The following RPS6KA6 variants were observed in gnomAD, a reference collection of about 807,000 sequenced individuals.
The protein encoded by RPS6KA6 is ribosomal protein S6 kinase A6.
A neutral mutation model predicts 65.4 loss-of-function variants in RPS6KA6; 27 were observed. The ratio of observed to expected loss-of-function variants is 0.41; its 90% CI spans 0.30 to 0.57. RPS6KA6 has a LOEUF of 0.57. Among genes scored for constraint, RPS6KA6 ranks in the 20% least tolerant of loss-of-function variants. The pLI, the probability that RPS6KA6 is intolerant of heterozygous loss-of-function variation, is 0.24. For synonymous variants in RPS6KA6, 190 were observed against 184.2 expected (o/e 1.03, Z -0.26); for missense variants, 486 against 555.6 (o/e 0.87, Z 1.26).
chrX:84,121,808 A>T (rs137868764), intron 8 of RPS6KA6, among the ~76,000 whole-genome samples: 1 of 112,375 alleles, frequency 8.9e-6, no homozygotes, highest in African/African-American at 3.2e-5. Flanking sequence ...CAAAAAAGAA[A>T]ATAGAAATTC....
intron 1 of RPS6KA6, among the ~76,000 whole-genome samples, chrX:84,171,712 G>A (rs1476993622): frequency 3.6e-5 from 4 of 111,091 alleles, no homozygotes; most frequent in Non-Finnish European, 5.7e-5. Context: ...TGTGATGAAC[G>A]TGCAGGTTTG....
At chrX:84,070,832 A>C in intron 20 of RPS6KA6, among the ~76,000 whole-genome samples, 1 of 111,701 alleles carries the variant, frequency 9.0e-6, no homozygotes, top group East Asian at 2.8e-4. Flanking sequence ...AAAATGAAAA[A>C]ATTTCAATAG....
intron 2 of RPS6KA6, among the ~76,000 whole-genome samples, chrX:84,159,275 T>C (rs966928906): frequency 1.8e-5 from 2 of 110,705 alleles, no homozygotes; most frequent in Non-Finnish European, 3.8e-5. Context: ...TTATTGATTT[T>C]TACTATTATA....
intron 20 of RPS6KA6, among the ~76,000 whole-genome samples, chrX:84,069,602 G>T (rs980255172): frequency 6.3e-5 from 7 of 111,788 alleles, no homozygotes; most frequent in East Asian, 2.8e-4. Context: ...CACAGCAAAA[G>T]AAACTATCAT....
At chrX:84,118,178 T>C (rs765013513) in intron 9 of RPS6KA6, among the ~76,000 whole-genome samples, 74 of 112,030 alleles carry the variant, frequency 6.6e-4, no homozygotes, top group Non-Finnish European at 1.1e-3. Flanking sequence ...ATAATGGCTT[T>C]GGCCTTAGTC....
intron 3 of RPS6KA6, among the ~76,000 whole-genome samples, chrX:84,153,133 A>C (rs1394231646): frequency 8.9e-6 from 1 of 111,934 alleles, no homozygotes; most frequent in African/African-American, 3.2e-5. Flanking sequence ...TTAAGATGTA[A>C]GCATATGTTT....
intron 6 of RPS6KA6, among the ~76,000 whole-genome samples, chrX:84,145,133 T>A (rs1942748866): frequency 9.0e-6 from 1 of 111,330 alleles, no homozygotes; most frequent in African/African-American, 3.3e-5. Flanking sequence ...TATACTTTAG[T>A]ATGTACAGTT....
chrX:84,062,473 G>A lies in RPS6KA6; in HGVS notation c.*1804C>T, dbSNP rs1458087407. ...TATGCTTACAAACTGTTACATGCAA[G>A]TACATATAGTAATAAAGCAAATGAG... On this transcript the variant is annotated 3_prime_UTR_variant, in exon 22 of 22. Coordinates refer to ENST00000262752, the MANE Select transcript of RPS6KA6 (RefSeq NM_014496.5). 1.8e-5 allele frequency: 2 copies of A among 110,563 alleles called. No individual in the cohort carries two copies. Among genetic ancestry groups the A allele is most frequent in the Non-Finnish European group, 3.8e-5 (2 of 52,799 alleles). 9.1% of individuals were successfully genotyped at this position (110,563 alleles called of 1,213,427 possible).
At chrX:84,134,172 T>C (rs768499055) in intron 8 of RPS6KA6, among the ~76,000 whole-genome samples, 1 of 112,093 alleles carries the variant, frequency 8.9e-6, no homozygotes, top group African/African-American at 3.2e-5. Flanking sequence ...AGGTCTTTCC[T>C]TTTTACTGCT....
intron 1 of RPS6KA6, among the ~76,000 whole-genome samples, chrX:84,177,835 C>T (rs1031214120): frequency 2.7e-5 from 3 of 112,060 alleles, no homozygotes; most frequent in African/African-American, 9.7e-5. Context: ...CGCTCTGTCA[C>T]CCAGGCTGGA....
chrX:84,072,535 T>C (rs2033566685), intron 20 of RPS6KA6, among the ~76,000 whole-genome samples: 1 of 111,601 alleles, frequency 9.0e-6, no homozygotes, highest in African/African-American at 3.3e-5. Flanking sequence ...TTCAGCATAG[T>C]TCTGGAAGTC....
intron 8 of RPS6KA6, among the ~76,000 whole-genome samples, chrX:84,127,940 G>C (rs2034826179): frequency 9.0e-6 from 1 of 111,318 alleles, no homozygotes; most frequent in Non-Finnish European, 1.9e-5. Context: ...TTTCACTACT[G>C]TTAATCAACA....
chrX:84,156,333 C>G (rs1177394891), intron 2 of RPS6KA6, 142 bp from the exon 3 acceptor site: 1 of 392,731 alleles, frequency 2.5e-6, no homozygotes, highest in African/African-American at 2.6e-5. Flanking sequence ...ATCCTTATTT[C>G]CCTGTTTTCT....
At chrX:84,082,550 C>A (rs10888293) in intron 20 of RPS6KA6, among the ~76,000 whole-genome samples, 1 of 111,913 alleles carries the variant, frequency 8.9e-6, no homozygotes, top group East Asian at 2.8e-4. Context: ...CAATGCTATT[C>A]CCATCAAGCT....
chrX:84,115,798 T>C (rs2034553940), intron 12 of RPS6KA6, among the ~76,000 whole-genome samples: 2 of 111,819 alleles, frequency 1.8e-5, no homozygotes, highest in Non-Finnish European at 3.8e-5. Context: ...ATCATTATCT[T>C]TGCAGCAACA....
chrX:84,149,711 T>C (rs2035265747), intron 3 of RPS6KA6, among the ~76,000 whole-genome samples: 1 of 111,547 alleles, frequency 9.0e-6, no homozygotes. Flanking sequence ...TGTGCTGTCA[T>C]TCAGGCTTTG....
At chrX:84,080,007 C>T (rs1367001885) in intron 20 of RPS6KA6, among the ~76,000 whole-genome samples, 1 of 111,585 alleles carries the variant, frequency 9.0e-6, no homozygotes, top group Non-Finnish European at 1.9e-5. Flanking sequence ...AAGTAGGTCC[C>T]TGGCCCCCGT....
chrX:84,137,710 C>T (rs1418374930), intron 6 of RPS6KA6, among the ~76,000 whole-genome samples: 1 of 111,793 alleles, frequency 8.9e-6, no homozygotes, highest in East Asian at 2.8e-4. Flanking sequence ...TTAGGCTGAA[C>T]ATTGTTATTC....
At chrX:84,151,229 G>A (rs184936922) in intron 3 of RPS6KA6, among the ~76,000 whole-genome samples, 2 of 93,317 alleles carry the variant, frequency 2.1e-5, no homozygotes, top group Non-Finnish European at 4.2e-5. Flanking sequence ...TATAGATATA[G>A]ATATATAGGA....
Sources: allele counts gnomAD v4.1 joint callset (sites outside exome capture counted in the v4.1 genomes callset), GRCh38; gene constraint gnomAD v4.1.1; transcripts MANE v1.5; gene names NCBI Gene and HGNC (gene_info 2026-07-23, HGNC 2026-07-21).